Variants in BMP6 observed in about 807,000 individuals in gnomAD.
BMP6 encodes the protein bone morphogenetic protein 6.
A neutral mutation model predicts 54.1 loss-of-function variants in BMP6; 17 were observed. The ratio of observed to expected loss-of-function variants is 0.31; its 90% CI spans 0.22 to 0.47. The LOEUF is 0.47. BMP6 is among the 20% of genes least tolerant of loss of function. BMP6 has a pLI of 1.00. For synonymous variants in BMP6, 328 were observed against 291.2 expected (o/e 1.13, Z -1.28); for missense variants, 720 against 690.4 (o/e 1.04, Z -0.48).
intron 1 of BMP6, among the ~76,000 whole-genome samples, chr6:7,793,295 T>G (rs1758138490): frequency 6.6e-6 from 1 of 150,958 alleles, no homozygotes. Flanking sequence ...ACTATATAGT[T>G]CCAACTGTAC....
intron 3 of BMP6, 64 bp downstream of exon 3, chr6:7,861,663 A>G (rs1759338190): frequency 1.3e-6 from 2 of 1,592,298 alleles, no homozygotes; most frequent in Non-Finnish European, 1.7e-6. Context: ...TTTCCCTTAC[A>G]GCAGTTGTGA....
intron 2 of BMP6, among the ~76,000 whole-genome samples, chr6:7,848,569 G>T (rs1465756774): frequency 6.6e-6 from 1 of 152,164 alleles, no homozygotes; most frequent in Non-Finnish European, 1.5e-5. Flanking sequence ...AATTCTCGGG[G>T]AGGCATATTT....
At chr6:7,752,374 C>T (rs1307596106) in intron 1 of BMP6, among the ~76,000 whole-genome samples, 1 of 152,108 alleles carries the variant, frequency 6.6e-6, no homozygotes, top group African/African-American at 2.4e-5. Flanking sequence ...CAGGTGGGTT[C>T]CCTGACATAT....
At chr6:7,815,913 A>G (rs1758518852) in intron 1 of BMP6, among the ~76,000 whole-genome samples, 1 of 152,230 alleles carries the variant, frequency 6.6e-6, no homozygotes, top group Non-Finnish European at 1.5e-5. Flanking sequence ...GTAGCATTGT[A>G]GAAATAAATA....
At chr6:7,858,360 C>G (rs1486859007) in intron 2 of BMP6, among the ~76,000 whole-genome samples, 1 of 152,210 alleles carries the variant, frequency 6.6e-6, no homozygotes, top group Non-Finnish European at 1.5e-5. Context: ...TCTAGTATTA[C>G]AGGCATGAGC....
At chr6:7,858,842 A>T (rs997700464) in intron 2 of BMP6, among the ~76,000 whole-genome samples, 1 of 150,414 alleles carries the variant, frequency 6.6e-6, no homozygotes, top group African/African-American at 2.5e-5. Flanking sequence ...CCTCGCTGCC[A>T]TAGGACCACA....
Position 7,792,551 on chromosome 6 carries a change from A to G in BMP6, c.665-52589A>G, listed in dbSNP as rs1439352847. On this transcript the variant is annotated intron_variant, in intron 1 of 6. Coordinates refer to ENST00000283147, the MANE Select transcript of BMP6 (RefSeq NM_001718.6). The stretch of plus-strand genomic sequence containing the variant: ...GCATAAAATAGGAATACACACAGAC[A>G]TACCCGACTCAAACAGATACAAACA... 5.3e-5 allele frequency among the ~76,000 whole-genome samples: 8 copies of G among 152,224 alleles called. No individual in the cohort carries two copies. In the South Asian group the frequency reaches 1.7e-3, roughly 31 times the overall value.
At chr6:7,742,412 TGTCA>T (rs1361402800) in intron 1 of BMP6, among the ~76,000 whole-genome samples, 1 of 152,200 alleles carries the variant, frequency 6.6e-6, no homozygotes, top group African/African-American at 2.4e-5. Context: ...ATACTTATCT[TGTCA>T]GCTTCCACTT....
intron 1 of BMP6, among the ~76,000 whole-genome samples, chr6:7,763,021 C>T (rs1315653786): frequency 6.6e-6 from 1 of 152,262 alleles, no homozygotes; most frequent in Non-Finnish European, 1.5e-5. Flanking sequence ...CAGCTCTCCA[C>T]CTGACCTGTA....
At chr6:7,745,695 G>A (rs1757335890) in intron 1 of BMP6, among the ~76,000 whole-genome samples, 2 of 152,172 alleles carry the variant, frequency 1.3e-5, no homozygotes, top group Admixed American at 6.5e-5. Context: ...GCAGTAGGGA[G>A]GGGGCAGGAT....
intron 1 of BMP6, among the ~76,000 whole-genome samples, chr6:7,799,892 C>G (rs1264768185): frequency 4.6e-5 from 7 of 152,140 alleles, no homozygotes; most frequent in African/African-American, 1.7e-4. Context: ...GCTTAAGGAA[C>G]CGATCACTTA....
At chr6:7,849,470 A>G (rs956851310) in intron 2 of BMP6, among the ~76,000 whole-genome samples, 1 of 152,226 alleles carries the variant, frequency 6.6e-6, no homozygotes, top group African/African-American at 2.4e-5. Flanking sequence ...CACCGGGAGT[A>G]TAGACTGCTC....
chr6:7,738,347 G>A (rs910577959), intron 1 of BMP6, among the ~76,000 whole-genome samples: 2 of 152,052 alleles, frequency 1.3e-5, no homozygotes, highest in African/African-American at 4.8e-5. Flanking sequence ...TCAGGGGAGG[G>A]ACCCTAGGAG....
intron 1 of BMP6, among the ~76,000 whole-genome samples, chr6:7,756,137 T>C (rs752236748): frequency 6.6e-6 from 1 of 152,158 alleles, no homozygotes; most frequent in Non-Finnish European, 1.5e-5. Context: ...CGTCACCTCC[T>C]TCTGGGTTTC....
At chr6:7,779,251 G>A (rs1431028056) in intron 1 of BMP6, among the ~76,000 whole-genome samples, 1 of 152,074 alleles carries the variant, frequency 6.6e-6, no homozygotes, top group Non-Finnish European at 1.5e-5. Context: ...TGCCCTCTGG[G>A]GGATGCTCAA....
At chr6:7,735,683 T>A (rs1761943527) in intron 1 of BMP6, among the ~76,000 whole-genome samples, 1 of 152,120 alleles carries the variant, frequency 6.6e-6, no homozygotes, top group Non-Finnish European at 1.5e-5. Flanking sequence ...GTGCACAGAC[T>A]CCTCCATTAT....
intron 1 of BMP6, among the ~76,000 whole-genome samples, chr6:7,748,131 G>T (rs1757372597): frequency 6.6e-6 from 1 of 152,098 alleles, no homozygotes; most frequent in African/African-American, 2.4e-5. Context: ...GAGTCAGACT[G>T]TGTTTGAATA....
chr6:7,795,697 G>T (rs992817996), intron 1 of BMP6, among the ~76,000 whole-genome samples: 1 of 152,158 alleles, frequency 6.6e-6, no homozygotes, highest in East Asian at 1.9e-4. Context: ...GCAGAGAGAT[G>T]AGGGCCTGGG....
intron 1 of BMP6, among the ~76,000 whole-genome samples, chr6:7,795,964 C>G (rs1464067374): frequency 6.6e-6 from 1 of 151,996 alleles, no homozygotes; most frequent in African/African-American, 2.4e-5. Flanking sequence ...TTGAGGTATC[C>G]TTGGGAGATA....
Sources: allele counts gnomAD v4.1 joint callset (sites outside exome capture counted in the v4.1 genomes callset), GRCh38; gene constraint gnomAD v4.1.1; transcripts MANE v1.5; gene names NCBI Gene and HGNC (gene_info 2026-07-23, HGNC 2026-07-21).